The following VAPB variants were observed in gnomAD, a reference collection of about 807,000 sequenced individuals.
The protein encoded by VAPB is vesicle-associated membrane protein-associated protein B/C.
Under a neutral mutation model 25.6 loss-of-function variants are expected in VAPB, and 7 were observed. The ratio of observed to expected loss-of-function variants is 0.27; its 90% CI spans 0.16 to 0.51. The LOEUF (loss-of-function observed/expected upper bound fraction) is 0.51, where lower values mean the gene tolerates loss of function less well. VAPB is among the 20% of genes least tolerant of loss of function. The probability of loss-of-function intolerance (pLI) is 0.97; values close to 1 mark genes in which losing one functional copy is unlikely to be tolerated. For synonymous variants in VAPB, 112 were observed against 109.2 expected (o/e 1.03, Z -0.16); for missense variants, 266 against 301.3 (o/e 0.88, Z 0.87).
At position 58,446,336 on chromosome 20, in the gene VAPB, G is replaced by A; in HGVS notation, c.*2101G>A. The A allele has an allele frequency of 2.2e-6, 1 of 454,128 alleles. No individual in the cohort carries two copies. Among genetic ancestry groups the A allele is most frequent in the Non-Finnish European group, 4.4e-6 (1 of 226,802 alleles). 28.1% of individuals were successfully genotyped at this position (454,128 alleles called of 1,614,324 possible). ...TAGTTGCTGCAGCCAGTTAAGTCCT[G>A]TAGCTTCCAGGCCCTCATGTCTTTG... On this transcript the variant is annotated 3_prime_UTR_variant, in exon 6 of 6. Coordinates refer to ENST00000475243, the MANE Select transcript of VAPB (RefSeq NM_004738.5).
intron 2 of VAPB, among the ~76,000 whole-genome samples, chr20:58,429,648 T>C (rs1224687227): frequency 6.6e-6 from 1 of 152,180 alleles, no homozygotes; most frequent in East Asian, 1.9e-4. Context: ...CCGTAAGGGA[T>C]GTGTGTGCAT....
At chr20:58,409,296 C>A (rs6026244) in intron 1 of VAPB, among the ~76,000 whole-genome samples, 67,571 of 151,914 alleles carry the variant, frequency 0.44, 15,224 homozygotes, top group East Asian at 0.59. Flanking sequence ...GGGTATAGAA[C>A]GCAGAAAGCA....
In VAPB at chr20:58,445,339, G is replaced by A. The variant is rs1401821449; in HGVS notation, c.*1104G>A. 1.5e-5 allele frequency: 7 copies of A among 454,494 alleles called. No homozygotes were observed. The highest frequency in any genetic ancestry group is 3.1e-5 in the Non-Finnish European group (7 of 226,814). The allele number at this position is 454,494 out of a possible 1,614,324, so 28.2% of individuals were successfully genotyped here. A position where few individuals can be genotyped will look rare whatever the true frequency, so the allele number is the denominator to read the frequency against. On this transcript the variant is annotated 3_prime_UTR_variant, in exon 6 of 6. Transcript: ENST00000475243. ...CCTTGGGGACCTAGCCTGGAGTCAGGACAAATGGATCGGGCTGCAGAGGGT... is the reference window on the plus strand; with the variant it reads ...CCTTGGGGACCTAGCCTGGAGTCAGAACAAATGGATCGGGCTGCAGAGGGT...
At chr20:58,426,917 A>G (rs1404325315) in intron 2 of VAPB, among the ~76,000 whole-genome samples, 2 of 152,236 alleles carry the variant, frequency 1.3e-5, no homozygotes, top group Non-Finnish European at 2.9e-5. Context: ...TACTTGTTAG[A>G]CTTTATTTGC....
intron 1 of VAPB, among the ~76,000 whole-genome samples, chr20:58,415,353 C>G (rs1372947571): frequency 6.6e-6 from 1 of 152,210 alleles, no homozygotes; most frequent in Non-Finnish European, 1.5e-5. Context: ...CAAATGTTCA[C>G]AGATGAGTAT....
rs889837829 is a variant in VAPB, at chr20:58,437,014, T to G, written c.316-1931T>G. ...GAACTTTTTTTTTTTTTTTTTTTTT[T>G]TTTGAGACAAAGTCTTGCTTTGTCA... On this transcript the variant is annotated intron_variant, in intron 3 of 5. Transcript: ENST00000475243. Among the ~76,000 whole-genome samples the G allele has an allele frequency of 4.4e-3, 664 of 149,480 alleles. 5 individuals are homozygous for G. Among genetic ancestry groups the G allele is most frequent in the Admixed American group, 0.025 (373 of 14,930 alleles).
chr20:58,409,114 C>T (rs1426617479), intron 1 of VAPB, among the ~76,000 whole-genome samples: 1 of 152,098 alleles, frequency 6.6e-6, no homozygotes, highest in Non-Finnish European at 1.5e-5. Flanking sequence ...TTTGTTCATT[C>T]AGCAAATATA....
intron 1 of VAPB, among the ~76,000 whole-genome samples, chr20:58,401,005 T>G (rs766176365): frequency 6.6e-6 from 1 of 152,252 alleles, no homozygotes; most frequent in African/African-American, 2.4e-5. Context: ...AAACTTTTCA[T>G]GTAATTTGCG....
intron 1 of VAPB, among the ~76,000 whole-genome samples, chr20:58,417,041 G>GC (rs1988556059): frequency 6.6e-6 from 1 of 152,092 alleles, no homozygotes; most frequent in African/African-American, 2.4e-5. Flanking sequence ...ACACATAAGC[G>GC]CACACCCTTT....
chr20:58,415,043 C>T (rs969115234), intron 1 of VAPB, among the ~76,000 whole-genome samples: 9 of 152,280 alleles, frequency 5.9e-5, no homozygotes, highest in East Asian at 3.9e-4. Flanking sequence ...GCCAACACAG[C>T]GAAACCCCGT....
In VAPB at chr20:58,417,797, T is replaced by C. The variant is rs186493534; in HGVS notation, c.59-414T>C. The stretch of plus-strand genomic sequence containing the variant: ...TACGCTCTCCCTGTTAGATTTCATA[T>C]TGTTACTGTGGAAATCAGTATTTAG... On this transcript the variant is annotated intron_variant, in intron 1 of 5. Transcript: ENST00000475243. 7.2e-5 allele frequency among the ~76,000 whole-genome samples: 11 copies of C among 152,332 alleles called. No homozygotes were observed. In the East Asian group the frequency reaches 1.9e-3, roughly 27 times the overall value.
chr20:58,438,805 C>T, intron 3 of VAPB, 140 bp from the exon 4 acceptor site: 2 of 690,730 alleles, frequency 2.9e-6, no homozygotes, highest in Non-Finnish European at 5.0e-6. Context: ...ATTGAAATCT[C>T]AGCAGACTTC....
intron 3 of VAPB, among the ~76,000 whole-genome samples, chr20:58,436,319 T>G (rs1453201577): frequency 6.9e-6 from 1 of 143,924 alleles, no homozygotes; most frequent in Non-Finnish European, 1.5e-5. Context: ...AGCTTTGTGT[T>G]TTTCTTCCTT....
At chr20:58,412,571 T>A (rs1220785699) in intron 1 of VAPB, among the ~76,000 whole-genome samples, 8 of 22,940 alleles carry the variant, frequency 3.5e-4, no homozygotes, top group Non-Finnish European at 9.8e-5. Context: ...AGTGAGACTC[T>A]GTCTCAAAAA....
At chr20:58,394,475 C>T (rs553969506) in intron 1 of VAPB, among the ~76,000 whole-genome samples, 8 of 152,334 alleles carry the variant, frequency 5.3e-5, no homozygotes, top group Admixed American at 6.5e-5. Context: ...TGCTTTACAG[C>T]ACAACAGAGC....
At chr20:58,394,347 GT>G (rs1987895918) in intron 1 of VAPB, among the ~76,000 whole-genome samples, 2 of 152,154 alleles carry the variant, frequency 1.3e-5, no homozygotes, top group Admixed American at 1.3e-4. Context: ...CTAAAGCCCT[GT>G]GGATATAGTT....
chr20:58,402,358 T>A (rs73296806), intron 1 of VAPB, among the ~76,000 whole-genome samples: 8 of 152,080 alleles, frequency 5.3e-5, no homozygotes, highest in African/African-American at 1.9e-4. Flanking sequence ...AATTAGTTGA[T>A]TCCTTTTCCT....
At chr20:58,430,383 T>A (rs1988901026) in intron 2 of VAPB, among the ~76,000 whole-genome samples, 1 of 151,734 alleles carries the variant, frequency 6.6e-6, no homozygotes, top group Non-Finnish European at 1.5e-5. Context: ...TGCCTCAGCC[T>A]CCCGAATAGC....
intron 2 of VAPB, among the ~76,000 whole-genome samples, chr20:58,433,566 C>T (rs527593848): frequency 2.9e-4 from 44 of 152,338 alleles, no homozygotes; most frequent in Middle Eastern, 6.8e-3. Context: ...CACCAACTGC[C>T]TGGGTTTGAG....
Sources: gnomAD v4.1 joint callset for allele counts (sites outside exome capture counted in the v4.1 genomes callset) on GRCh38, gnomAD v4.1.1 for gene constraint, MANE v1.5 for transcripts, NCBI Gene and HGNC (gene_info 2026-07-23, HGNC 2026-07-21) for gene names.